HIPK3: variants seen among roughly 807,000 people sequenced by gnomAD.
HIPK3 encodes homeodomain-interacting protein kinase 3.
A neutral mutation model predicts 124.2 loss-of-function variants in HIPK3; 47 were observed. The observed-to-expected ratio is 0.38, with a 90% CI of 0.30 to 0.48. HIPK3 has a LOEUF of 0.48. Ranked by LOEUF, HIPK3 falls within the 20% of genes least tolerant of loss-of-function variation. The pLI, the probability that HIPK3 is intolerant of heterozygous loss-of-function variation, is 0.98. For synonymous variants in HIPK3, 482 were observed against 515.2 expected (o/e 0.94, Z 0.87); for missense variants, 1,286 against 1,454.3 (o/e 0.88, Z 1.88).
At chr11:33,334,555 T>G (rs746642421) in intron 3 of HIPK3, among the ~76,000 whole-genome samples, 2 of 152,070 alleles carry the variant, frequency 1.3e-5, no homozygotes, top group African/African-American at 4.8e-5. Context: ...GTCAGGGGTG[T>G]CTAGCCTTTT....
chr11:33,328,733 C>A, intron 3 of HIPK3, 100 bp downstream of exon 3: 1 of 1,012,022 alleles, frequency 9.9e-7, no homozygotes, highest in Admixed American at 2.4e-5. Context: ...ACTGGAAAGT[C>A]TTTTTAACAT....
At chr11:33,262,679 T>C (rs1850855078) in intron 1 of HIPK3, among the ~76,000 whole-genome samples, 1 of 152,252 alleles carries the variant, frequency 6.6e-6, no homozygotes, top group South Asian at 2.1e-4. Context: ...AGAAGGCTCT[T>C]TTCAACAGAA....
chr11:33,321,305 G>T (rs1286665697), intron 2 of HIPK3, among the ~76,000 whole-genome samples: 1 of 152,202 alleles, frequency 6.6e-6, no homozygotes, highest in African/African-American at 2.4e-5. Context: ...CAAGATGGGG[G>T]TGGAGTTGGA....
At position 33,341,111 on chromosome 11, in the gene HIPK3, G is replaced by A. The variant is rs1354029023; in HGVS notation, c.1757G>A (p.Gly586Glu). Residue 586 changes from glycine (G) to glutamate (E), a missense_variant, in exon 7 of 17, where the codon GGA becomes GAA. Physicochemically the swap from Gly to Glu is moderately conservative, Grantham distance 98. Coordinates refer to ENST00000303296, the MANE Select transcript of HIPK3 (RefSeq NM_005734.5). ...CTGACTGCAAATTTTACTAAAATCG[G>A]AACATTAAGAAGTCAGGTAAGAATG... ...ATLTANFTKI[G>E]TLRSQALTTS... is the part of the protein sequence containing the mutation. 6.3e-7 allele frequency: 1 copy of A among 1,586,444 alleles called. No individual in the cohort carries two copies. The highest frequency in any genetic ancestry group is 2.3e-5 in the East Asian group (1 of 44,072).
intron 1 of HIPK3, among the ~76,000 whole-genome samples, chr11:33,278,676 C>G (rs369454187): frequency 2.0e-5 from 3 of 152,064 alleles, no homozygotes; most frequent in Admixed American, 6.6e-5. Flanking sequence ...AACTCCGTCT[C>G]TACTAAAAAT....
At chr11:33,328,389 A>G (rs1852871414) in intron 2 of HIPK3, 121 bp from the exon 3 acceptor site, 4 of 882,100 alleles carry the variant, frequency 4.5e-6, no homozygotes, top group Non-Finnish European at 5.2e-6. Context: ...GAAATAGTGA[A>G]GAGTTCCTAT....
At chr11:33,292,002 A>G (rs1398935686) in intron 2 of HIPK3, among the ~76,000 whole-genome samples, 1 of 152,266 alleles carries the variant, frequency 6.6e-6, no homozygotes, top group Non-Finnish European at 1.5e-5. Context: ...TCTTAGATCC[A>G]GAAGTATCAA....
At chr11:33,304,602 G>A (rs1304374481) in intron 2 of HIPK3, among the ~76,000 whole-genome samples, 1 of 151,586 alleles carries the variant, frequency 6.6e-6, no homozygotes, top group East Asian at 1.9e-4. Context: ...GACAAAATTT[G>A]ATAATAGAGA....
intron 13 of HIPK3, 41 bp from the exon 14 acceptor site, chr11:33,349,106 C>T: frequency 6.3e-7 from 1 of 1,585,816 alleles, no homozygotes. Flanking sequence ...AGAGTATCTT[C>T]TTGTATTTGA....
chr11:33,314,707 A>G (rs1347671004), intron 2 of HIPK3, among the ~76,000 whole-genome samples: 1 of 152,178 alleles, frequency 6.6e-6, no homozygotes, highest in Non-Finnish European at 1.5e-5. Context: ...TAAGTACTCA[A>G]TCAACATTTT....
At chr11:33,328,668 A>G in intron 3 of HIPK3, 35 bp downstream of exon 3, 1 of 1,596,204 alleles carries the variant, frequency 6.3e-7, no homozygotes, top group Non-Finnish European at 8.6e-7. Context: ...GAATTGGTAA[A>G]AAGTAAAGAA....
At chr11:33,310,823 T>A (rs191555472) in intron 2 of HIPK3, among the ~76,000 whole-genome samples, 1 of 152,344 alleles carries the variant, frequency 6.6e-6, no homozygotes, top group Admixed American at 6.5e-5. Context: ...TGCAGTTTTA[T>A]GCTGGAAGGC....
intron 1 of HIPK3, among the ~76,000 whole-genome samples, chr11:33,262,660 T>C (rs1157273701): frequency 1.3e-5 from 2 of 152,234 alleles, no homozygotes; most frequent in African/African-American, 4.8e-5. Context: ...AATGCCAAGT[T>C]AGTACTTGAG....
intron 1 of HIPK3, among the ~76,000 whole-genome samples, chr11:33,278,577 A>T (rs1407016563): frequency 6.6e-6 from 1 of 152,230 alleles, no homozygotes; most frequent in East Asian, 1.9e-4. Flanking sequence ...TAGCATGCTC[A>T]CTGTACTTAA....
In HIPK3 at chr11:33,286,439, C is replaced by G; in HGVS notation, c.25C>G (p.Pro9Ala). MASQVLVY[P>A]PYVYQTQSSA... ...TATGGCCTCACAAGTCTTGGTCTAC[C>G]CACCATATGTTTATCAAACTCAGTC... Residue 9 changes from proline (P) to alanine (A), a missense_variant, in exon 2 of 17, where the codon CCA becomes GCA. Transcript: ENST00000303296. The G allele has an allele frequency of 6.3e-7, 1 of 1,597,260 alleles. No individual in the cohort carries two copies. Among genetic ancestry groups the G allele is most frequent in the South Asian group, 1.1e-5 (1 of 89,228 alleles).
chr11:33,324,633 ACTTC>A (rs1852758735), intron 2 of HIPK3, among the ~76,000 whole-genome samples: 1 of 152,124 alleles, frequency 6.6e-6, no homozygotes, highest in Non-Finnish European at 1.5e-5. Flanking sequence ...CTGAGGCCAT[ACTTC>A]CTTTGGGCCC....
chr11:33,341,536 C>T (rs1226616715), intron 7 of HIPK3, 27 bp from the exon 8 acceptor site: 4 of 1,584,030 alleles, frequency 2.5e-6, no homozygotes, highest in African/African-American at 1.4e-5. Context: ...TAGAAGACTG[C>T]TCTATATAAT....
intron 1 of HIPK3, among the ~76,000 whole-genome samples, chr11:33,264,222 A>T (rs1850898216): frequency 6.6e-6 from 1 of 152,190 alleles, no homozygotes; most frequent in Non-Finnish European, 1.5e-5. Flanking sequence ...ATAATAAAGG[A>T]AAATGTAGTA....
At chr11:33,281,863 A>G (rs1434470807) in intron 1 of HIPK3, among the ~76,000 whole-genome samples, 1 of 152,104 alleles carries the variant, frequency 6.6e-6, no homozygotes, top group Non-Finnish European at 1.5e-5. Flanking sequence ...TATGTAGGTT[A>G]TTTACAGTAT....
Sources: allele counts gnomAD v4.1 joint callset (sites outside exome capture counted in the v4.1 genomes callset), GRCh38; gene constraint gnomAD v4.1.1; transcripts MANE v1.5; gene names NCBI Gene and HGNC (gene_info 2026-07-23, HGNC 2026-07-21).